STT3A: variants seen among roughly 807,000 people sequenced by gnomAD.
STT3A encodes the protein STT3 oligosaccharyltransferase complex catalytic subunit A.
A neutral mutation model predicts 89.2 loss-of-function variants in STT3A; 34 were observed. That is an observed-to-expected ratio of 0.38 (90% CI 0.29 to 0.51). STT3A has a LOEUF of 0.51. STT3A is among the 20% of genes least tolerant of loss of function. The pLI is 0.89. For synonymous variants in STT3A, 282 were observed against 310.3 expected, an observed-to-expected ratio of 0.91 and a Z score of 0.96; for missense variants, 555 against 889.5, an observed-to-expected ratio of 0.62 and a Z score of 4.78.
In STT3A at chr11:125,613,139, C is replaced by T. The variant is rs757430713; in HGVS notation, c.1516C>T (p.Arg506Ter). 1.2e-6 allele frequency: 2 copies of T among 1,613,656 alleles called. No individual in the cohort carries two copies. ...CAGTAGGATCATATTTGATGACTTC[C>T]GAGAAGCATATTATTGGCTTCGTCA... ...DGSRIIFDDF[R>*]EAYYWLRHNT... The change falls in exon 13 of 18, where the codon CGA becomes TGA. Residue 506 changes from arginine to a stop codon, truncating the protein, a stop_gained. Coordinates refer to ENST00000392708, the MANE Select transcript of STT3A (RefSeq NM_152713.5). LOFTEE classifies it high-confidence loss of function. The surrounding 1 kb of genome is among the most constrained non-coding windows in gnomAD (Gnocchi z 4.2).
chr11:125,603,526 G>C (rs1462189066), intron 5 of STT3A: 1 of 153,438 alleles, frequency 6.5e-6, no homozygotes, highest in East Asian at 1.9e-4. Context: ...TGGGAAGCCT[G>C]AATTTAGTTT....
At chr11:125,608,064 C>G (rs1476217346) in intron 8 of STT3A, 45 bp from the exon 9 acceptor site, 1 of 1,531,500 alleles carries the variant, frequency 6.5e-7, no homozygotes, top group Middle Eastern at 2.1e-4. Context: ...TGGACTTACT[C>G]ATTTTTTTTC....
intron 15 of STT3A, among the ~76,000 whole-genome samples, chr11:125,616,115 A>C (rs960912587): frequency 6.6e-6 from 1 of 152,214 alleles, no homozygotes; most frequent in African/African-American, 2.4e-5. Context: ...AAGATCATAA[A>C]AGAAGATAGT....
At chr11:125,593,772 T>G (rs920807931) in intron 1 of STT3A, 1 of 152,210 alleles carries the variant, frequency 6.6e-6, no homozygotes, top group African/African-American at 2.4e-5. Flanking sequence ...TCTAAACTGC[T>G]CTTCTGGGAC....
intron 3 of STT3A, among the ~76,000 whole-genome samples, chr11:125,600,020 C>T (rs1454279564): frequency 2.0e-5 from 3 of 151,480 alleles, no homozygotes; most frequent in Non-Finnish European, 4.4e-5. Context: ...TTAACTACTA[C>T]GCCGGCCTCT....
intron 3 of STT3A, 141 bp from the exon 4 acceptor site, chr11:125,602,162 A>G: frequency 2.1e-6 from 2 of 960,418 alleles, no homozygotes; most frequent in Non-Finnish European, 3.1e-6. Context: ...AAACAGACTT[A>G]TGGTAGTGTA....
At chr11:125,592,528 G>T (rs906816182), upstream of STT3A, 41 of 453,494 alleles carry the variant, frequency 9.0e-5, no homozygotes, top group South Asian at 4.5e-4. Flanking sequence ...GAGTCAGTGG[G>T]CCGCGCCTTC....
At chr11:125,616,576 G>A (rs1446027686) in intron 15 of STT3A, among the ~76,000 whole-genome samples, 1 of 152,140 alleles carries the variant, frequency 6.6e-6, no homozygotes, top group Non-Finnish European at 1.5e-5. Flanking sequence ...CATTTGAGAG[G>A]CATAATAAAA....
chr11:125,604,360 T>C (rs1939776082), intron 6 of STT3A, 113 bp downstream of exon 6: 1 of 1,014,470 alleles, frequency 9.9e-7, no homozygotes, highest in Non-Finnish European at 1.5e-6. Flanking sequence ...GTGAGAATAT[T>C]AGAAATGGGC....
chr11:125,620,170 G>A, intron 17 of STT3A, 44 bp downstream of exon 17: 3 of 1,514,966 alleles, frequency 2.0e-6, no homozygotes, highest in South Asian at 1.2e-5. Flanking sequence ...TTTATTTTTG[G>A]AGATTGGTTT....
rs375545020 is a variant in STT3A at position 125,613,236 on chromosome 11, G to A, written c.1554+59G>A. 110 of 1,577,242 alleles carry A rather than the reference G, an allele frequency of 7.0e-5. No homozygotes were observed. The African/African-American group carries it at 1.4e-3, about 20-fold the overall frequency. Reference sequence around the variant, plus strand: ...AGGGGCAAAGGGGAAGACATTTGATGTTACAGTGAATCATACAGCTTTTAG... The same window carrying A: ...AGGGGCAAAGGGGAAGACATTTGATATTACAGTGAATCATACAGCTTTTAG... On this transcript the variant is annotated intron_variant, in intron 13 of 17. Coordinates refer to ENST00000392708, the MANE Select transcript of STT3A (RefSeq NM_152713.5). This position sits in a 1 kb window ranked among gnomAD's most constrained non-coding sequence, Gnocchi z 4.2.
At position 125,610,364 on chromosome 11, in the gene STT3A, CAACTTTT is replaced by C. The variant is rs550629057; in HGVS notation, c.1117+777_1117+783del. On this transcript the variant is annotated intron_variant, in intron 10 of 17. Transcript: ENST00000392708. ...ACAGGCGTGAGCCACTGTGCCTGGC[CAACTTTT>C]ACTTTTTTCTTACTGTGAAAGTAAT... Among the ~76,000 whole-genome samples the C allele has an allele frequency of 2.3e-3, 347 of 152,220 alleles. 4 individuals are homozygous for C. The highest frequency in any genetic ancestry group is 0.021 in the Admixed American group (315 of 15,272).
At chr11:125,596,077 A>G in intron 2 of STT3A, 74 bp downstream of exon 2, 4 of 1,115,368 alleles carry the variant, frequency 3.6e-6, no homozygotes, top group Admixed American at 2.1e-5. Context: ...GAAAATCGCT[A>G]TCTTAAAATG....
chr11:125,608,065 AT>A (rs769134482), intron 8 of STT3A, 43 bp from the exon 9 acceptor site: 15 of 1,532,176 alleles, frequency 9.8e-6, no homozygotes, highest in East Asian at 9.2e-5. Flanking sequence ...GGACTTACTC[AT>A]TTTTTTTCCT....
At chr11:125,608,321 T>C (rs967400027) in intron 9 of STT3A, 32 bp downstream of exon 9, 28 of 1,554,668 alleles carry the variant, frequency 1.8e-5, no homozygotes, top group Non-Finnish European at 2.3e-5. Context: ...TTTCCTTTTT[T>C]CTTTTTTTTT....
Position 125,609,493 on chromosome 11 carries a change from A to G in STT3A, c.1021A>G (p.Asn341Asp). 1 of 1,614,174 alleles carries G rather than the reference A, an allele frequency of 6.2e-7. No homozygotes were observed. Among genetic ancestry groups the G allele is most frequent in the Non-Finnish European group, 8.5e-7 (1 of 1,180,034 alleles). ...GCTGCTGGATCCCTCTTATGCTAAG[A>G]ACAACATCCCCATCATTGCTTCTGT... The part of the protein sequence containing the change: ...YSLLDPSYAK[N>D]NIPIIASVSE... The change falls in exon 10 of 18, where the codon AAC becomes GAC. Residue 341 changes from asparagine (N) to aspartate (D), a missense_variant. By Grantham distance (23) the Asn-to-Asp change is conservative (BLOSUM62 1). Around this residue, in one of 5 missense-constraint regions of STT3A, gnomAD observed 149 missense variants for 206.2 expected, o/e 0.72. Transcript: ENST00000392708.
At chr11:125,606,564 A>G (rs1019515074) in intron 8 of STT3A, 99 bp downstream of exon 8, 1 of 1,319,286 alleles carries the variant, frequency 7.6e-7, no homozygotes, top group Non-Finnish European at 1.0e-6. Context: ...AGTACGACTT[A>G]TTCACAGCCT....
At chr11:125,593,784 G>C (rs539302613) in intron 1 of STT3A, 40 of 152,328 alleles carry the variant, frequency 2.6e-4, no homozygotes, top group African/African-American at 9.1e-4. Flanking sequence ...TTCTGGGACA[G>C]TTAATTATGG....
intron 6 of STT3A, among the ~76,000 whole-genome samples, chr11:125,604,765 T>G (rs2135922265): frequency 6.6e-6 from 1 of 152,366 alleles, no homozygotes; most frequent in East Asian, 1.9e-4. Flanking sequence ...CAGGAGATAG[T>G]ACTATGTGCC....
Sources: allele counts gnomAD v4.1 joint callset (sites outside exome capture counted in the v4.1 genomes callset), GRCh38; gene constraint gnomAD v4.1.1; regional missense constraint gnomAD v4.1.1; non-coding constraint Gnocchi (gnomAD v3.1); transcripts MANE v1.5; gene names NCBI Gene and HGNC (gene_info 2026-07-23, HGNC 2026-07-21).